The following CEP290 variants were observed in gnomAD, a reference collection of about 807,000 sequenced individuals.
The protein encoded by CEP290 is centrosomal protein of 290 kDa.
A neutral mutation model predicts 344.9 loss-of-function variants in CEP290; 317 were observed. That is an observed-to-expected ratio of 0.92 (90% CI 0.84 to 1.01). CEP290 has a LOEUF of 1.01. CEP290 is among the 50% of genes least tolerant of loss of function. CEP290 has a pLI of 0.00. For missense variants in CEP290, 2,754 were observed against 2,761.4 expected (o/e 1.00, Z 0.06); for synonymous variants, 932 against 895.8 (o/e 1.04, Z -0.72).
At position 88,115,866 on chromosome 12, in the gene CEP290, T is replaced by A; in HGVS notation, c.1825-684A>T. 6.1e-6 allele frequency: 6 copies of A among 982,644 alleles called. No homozygotes were observed. The South Asian group carries it at 1.9e-4, about 31-fold the overall frequency. The allele number at this position is 982,644 out of a possible 1,614,324, so 60.9% of individuals were successfully genotyped here. A position where few individuals can be genotyped will look rare whatever the true frequency, so the allele number is the denominator to read the frequency against. ...TGATTGTGCAGTAATAGACACAGGGTCTGGAAGATTAACCTTAAGCTTATT... is the reference window on the plus strand; with the variant it reads ...TGATTGTGCAGTAATAGACACAGGGACTGGAAGATTAACCTTAAGCTTATT... On this transcript the variant is annotated intron_variant, in intron 18 of 53. Coordinates refer to ENST00000552810, the MANE Select transcript of CEP290 (RefSeq NM_025114.4).
chr12:88,120,716 A>G (rs1208170398), intron 14 of CEP290, among the ~76,000 whole-genome samples: 1 of 152,204 alleles, frequency 6.6e-6, no homozygotes, highest in Non-Finnish European at 1.5e-5. Context: ...TCACATCTAC[A>G]TGGTGGCCCA....
intron 30 of CEP290, 145 bp from the exon 31 acceptor site, chr12:88,089,632 C>G (rs2036866329): frequency 1.9e-6 from 1 of 523,396 alleles, no homozygotes; most frequent in Non-Finnish European, 3.1e-6. Context: ...TGCTTTAATA[C>G]AAATAATTAC....
chr12:88,112,894 T>G (rs1317838836), intron 20 of CEP290, among the ~76,000 whole-genome samples: 1 of 152,080 alleles, frequency 6.6e-6, no homozygotes, highest in Non-Finnish European at 1.5e-5. Context: ...TGAGGAATAG[T>G]GCCGTGTCTA....
In CEP290 at chr12:88,126,312, T is replaced by G; in HGVS notation, c.1065+4A>C. 1 of 1,454,178 alleles carries G rather than the reference T, an allele frequency of 6.9e-7. No individual in the cohort carries two copies. Among genetic ancestry groups the G allele is most frequent in the Non-Finnish European group, 9.0e-7 (1 of 1,109,262 alleles). The allele number at this position is 1,454,178 out of a possible 1,614,324, so 90.1% of individuals were successfully genotyped here. A position where few individuals can be genotyped will look rare whatever the true frequency, so the allele number is the denominator to read the frequency against. ...TGATAAACAAAATTCTGTTAAGATT[T>G]TACCTGCTGTAGAGCCATAACATTA... is the stretch of plus-strand genomic sequence containing the variant. On this transcript the variant is annotated splice_donor_region_variant and intron_variant, in intron 12 of 53. Coordinates refer to ENST00000552810, the MANE Select transcript of CEP290 (RefSeq NM_025114.4).
At chr12:88,103,213 A>C (rs1592575979) in intron 25 of CEP290, 1 of 336,994 alleles carries the variant, frequency 3.0e-6, no homozygotes, top group East Asian at 5.0e-5. Flanking sequence ...TCTTAATCAT[A>C]ATAAAAATAA....
chr12:88,123,420 C>G (rs1209286345), intron 13 of CEP290, among the ~76,000 whole-genome samples: 2 of 152,068 alleles, frequency 1.3e-5, no homozygotes, highest in Non-Finnish European at 2.9e-5. Flanking sequence ...ATGACCATTG[C>G]TAAGTCCAAT....
chr12:88,079,124 G>T lies in CEP290; in HGVS notation c.5332C>A (p.Gln1778Lys). The change falls in exon 39 of 54, where the codon CAA (glutamine) becomes AAA (lysine). Residue 1778 changes from glutamine (Q) to lysine (K), a missense_variant. Physicochemically the swap from Gln to Lys is moderately conservative, Grantham distance 53. Transcript: ENST00000552810. ...TCTCTAGTATGTCGATCAACGATTT[G>T]TTGAACATTGAGATGGGCCTCTTTT... ...SQKEAHLNVQ[Q>K]IVDRHTRELK... 6.3e-7 allele frequency: 1 copy of T among 1,594,276 alleles called. No homozygotes were observed. Among genetic ancestry groups the T allele is most frequent in the Admixed American group, 1.8e-5 (1 of 56,446 alleles).
chr12:88,070,888 A>C (rs147990705), intron 43 of CEP290, among the ~76,000 whole-genome samples: 9 of 152,186 alleles, frequency 5.9e-5, no homozygotes, highest in African/African-American at 2.2e-4. Context: ...GTTTCTAAGA[A>C]CTGAACTAAT....
In CEP290 at chr12:88,131,338, A is replaced by C. The variant is rs929884672; in HGVS notation, c.442-120T>G. 5.2e-4 allele frequency: 323 copies of C among 622,890 alleles called. 1 individual carries two copies. Among genetic ancestry groups the C allele is most frequent in the Non-Finnish European group, 8.6e-5 (33 of 384,090 alleles). 38.6% of individuals were successfully genotyped at this position (622,890 alleles called of 1,614,324 possible). A position where few individuals can be genotyped will look rare whatever the true frequency, so the allele number is the denominator to read the frequency against. On this transcript the variant is annotated intron_variant, in intron 6 of 53. Coordinates refer to ENST00000552810, the MANE Select transcript of CEP290 (RefSeq NM_025114.4). ...GAGTACAGTGGTGCGATCTCGGCTC[A>C]CTGCAACCTCTGCCTCCCGGTTCAA... is the stretch of plus-strand genomic sequence containing the variant.
chr12:88,121,229 C>T, intron 13 of CEP290, 63 bp from the exon 14 acceptor site: 3 of 1,253,934 alleles, frequency 2.4e-6, no homozygotes, highest in Non-Finnish European at 3.3e-6. Flanking sequence ...ATCAGTGATC[C>T]CAACATGGTG....
intron 40 of CEP290, 78 bp from the exon 41 acceptor site, chr12:88,077,422 A>G: frequency 6.2e-6 from 6 of 975,256 alleles, no homozygotes; most frequent in Non-Finnish European, 8.8e-6. Flanking sequence ...CAATTATATA[A>G]TAGCAACTTT....
chr12:88,098,516 G>A (rs894922048), intron 26 of CEP290, among the ~76,000 whole-genome samples: 3 of 151,948 alleles, frequency 2.0e-5, no homozygotes, highest in Non-Finnish European at 4.4e-5. Context: ...GGAGGCTGAG[G>A]TGGGAGAATT....
chr12:88,113,986 C>T (rs2038882759), intron 20 of CEP290, among the ~76,000 whole-genome samples: 1 of 152,052 alleles, frequency 6.6e-6, no homozygotes, highest in Non-Finnish European at 1.5e-5. Flanking sequence ...ATTGACTTTG[C>T]CATTTTTAAA....
At chr12:88,081,807 C>A (rs991199398) in intron 37 of CEP290, among the ~76,000 whole-genome samples, 2 of 152,130 alleles carry the variant, frequency 1.3e-5, no homozygotes, top group East Asian at 3.8e-4. Flanking sequence ...ATTTTCTACA[C>A]CCACAAATTA....
At chr12:88,099,538 T>C (rs1024471590) in intron 26 of CEP290, among the ~76,000 whole-genome samples, 2 of 152,142 alleles carry the variant, frequency 1.3e-5, no homozygotes, top group Admixed American at 1.3e-4. Flanking sequence ...ATAAATAAAT[T>C]ATATCCTAGA....
intron 32 of CEP290, among the ~76,000 whole-genome samples, chr12:88,087,226 C>G (rs1254523490): frequency 2.0e-5 from 3 of 152,116 alleles, no homozygotes; most frequent in African/African-American, 7.2e-5. Flanking sequence ...TGTGAAAAGT[C>G]AAATAACCAA....
intron 19 of CEP290, 116 bp downstream of exon 19, chr12:88,114,982 G>C: frequency 6.6e-6 from 4 of 609,354 alleles, no homozygotes; most frequent in South Asian, 2.0e-5. Flanking sequence ...ACAGTACAGA[G>C]GTAATTAGGA....
At position 88,116,067 on chromosome 12, in the gene CEP290, C is replaced by T. The variant is rs1280608080; in HGVS notation, c.1825-885G>A. On this transcript the variant is annotated intron_variant, in intron 18 of 53. Transcript: ENST00000552810. ...TTGACAAAATATTGCAGATTTTTGC[C>T]TAAGTGATAACTTCTGCATTATGTC... 9.1e-6 allele frequency: 9 copies of T among 985,128 alleles called. No homozygotes were observed. The South Asian group carries it at 4.2e-4, about 46-fold the overall frequency. 61.0% of individuals were successfully genotyped at this position (985,128 alleles called of 1,614,324 possible).
chr12:88,106,716 C>T lies in CEP290; in HGVS notation c.2776G>A (p.Ala926Thr). The T allele has an allele frequency of 6.2e-7, 1 of 1,611,310 alleles. No homozygotes were observed. The highest frequency in any genetic ancestry group is 1.1e-5 in the South Asian group (1 of 90,558). Residue 926 changes from alanine (A) to threonine (T), a missense_variant, in exon 25 of 54, where the codon GCT becomes ACT. Physicochemically the swap from Ala to Thr is moderately conservative, Grantham distance 58. Transcript: ENST00000552810. ...CACCCAATTTTTTCACAAACTTCAG[C>T]CTCCATTGACAACAATTCATTCTTT... ...KQKNELLSME[A>T]EVCEKIGCLQ...
Sources: gnomAD v4.1 joint callset for allele counts (sites outside exome capture counted in the v4.1 genomes callset) on GRCh38, gnomAD v4.1.1 for gene constraint, MANE v1.5 for transcripts, NCBI Gene and HGNC (gene_info 2026-07-23, HGNC 2026-07-21) for gene names.